ARFGAP1: variants seen among roughly 807,000 people sequenced by gnomAD.
The protein encoded by ARFGAP1 is ARF GTPase activating protein 1.
A neutral mutation model predicts 54.0 loss-of-function variants in ARFGAP1; 26 were observed. The observed-to-expected ratio is 0.48, with a 90% CI of 0.35 to 0.67. The LOEUF (loss-of-function observed/expected upper bound fraction) is 0.67, where lower values mean the gene tolerates loss of function less well. Ranked by LOEUF, ARFGAP1 falls within the 30% of genes least tolerant of loss-of-function variation. The pLI is 0.00. For synonymous variants in ARFGAP1, 248 were observed against 211.9 expected (o/e 1.17, Z -1.48); for missense variants, 525 against 535.8 (o/e 0.98, Z 0.20).
At chr20:63,275,773 T>C in intron 2 of ARFGAP1, 133 bp downstream of exon 2, 1 of 870,822 alleles carries the variant, frequency 1.1e-6, no homozygotes, top group African/African-American at 1.7e-5. Flanking sequence ...TGGACGTGCA[T>C]GGCTTGTGCT....
intron 7 of ARFGAP1, among the ~76,000 whole-genome samples, chr20:63,279,881 G>A (rs964002834): frequency 1.9e-4 from 29 of 152,360 alleles, no homozygotes; most frequent in East Asian, 3.9e-4. Flanking sequence ...GCTCACGCCT[G>A]TAATCCCAGC....
At chr20:63,286,677 C>T in intron 12 of ARFGAP1, 1 of 541,356 alleles carries the variant, frequency 1.8e-6, no homozygotes, top group Non-Finnish European at 3.3e-6. Context: ...GAGTGCTCTG[C>T]AGCTGCAGAG....
At position 63,288,222 on chromosome 20, in the gene ARFGAP1, C is replaced by A; in HGVS notation, c.*349C>A. On this transcript the variant is annotated 3_prime_UTR_variant, in exon 13 of 13. Transcript: ENST00000370283. ...GCGGCCAGTTCACTACGCAGTATCT[C>A]TGGGGCCTGGGACCAGCCACGTGCC... 1 of 556,330 alleles carries A rather than the reference C, an allele frequency of 1.8e-6. No individual in the cohort carries two copies. The highest frequency in any genetic ancestry group is 3.4e-6 in the Non-Finnish European group (1 of 292,624). The allele number at this position is 556,330 out of a possible 1,614,324, so 34.5% of individuals were successfully genotyped here.
rs1007958598 is a variant in ARFGAP1 at position 63,276,840 on chromosome 20, G to A, written c.342+189G>A. 4.1e-5 allele frequency: 26 copies of A among 629,782 alleles called. No individual in the cohort carries two copies. The highest frequency in any genetic ancestry group is 9.2e-5 in the African/African-American group (5 of 54,540). 39.0% of individuals were successfully genotyped at this position (629,782 alleles called of 1,614,324 possible). The stretch of plus-strand genomic sequence containing the variant: ...CCCAGAGGGGAGGCAAATGGCTTGC[G>A]GGGGGAGACAGACCTTCCCCGCCTC... On this transcript the variant is annotated intron_variant, in intron 4 of 12. Coordinates refer to ENST00000370283, the MANE Select transcript of ARFGAP1 (RefSeq NM_018209.4). This position sits in a 1 kb window ranked among gnomAD's most constrained non-coding sequence, Gnocchi z 5.2.
chr20:63,284,131 C>T (rs889726222), intron 9 of ARFGAP1: 2 of 1,349,060 alleles, frequency 1.5e-6, no homozygotes, highest in Non-Finnish European at 1.9e-6. Flanking sequence ...AGACCCCCAT[C>T]TCCAAAACAC....
chr20:63,277,159 C>T (rs748884618), intron 4 of ARFGAP1, 46 bp from the exon 5 acceptor site: 17 of 1,550,454 alleles, frequency 1.1e-5, no homozygotes, highest in African/African-American at 4.1e-5. Context: ...CCGAGGGCAT[C>T]GCCAGGCGCC....
At chr20:63,282,899 G>C (rs771386769) in intron 9 of ARFGAP1, 48 bp downstream of exon 9, 1 of 1,607,228 alleles carries the variant, frequency 6.2e-7, no homozygotes, top group Non-Finnish European at 8.5e-7. Flanking sequence ...AAACTATCCT[G>C]AGTCTGACGT....
At chr20:63,277,732 G>A (rs1308120301) in intron 5 of ARFGAP1, among the ~76,000 whole-genome samples, 1 of 152,190 alleles carries the variant, frequency 6.6e-6, no homozygotes, top group Non-Finnish European at 1.5e-5. Context: ...TGGGTAGCAC[G>A]AGGCCTCCCC....
intron 8 of ARFGAP1, among the ~76,000 whole-genome samples, chr20:63,281,713 G>A (rs1350052388): frequency 2.0e-5 from 3 of 152,190 alleles, no homozygotes; most frequent in Non-Finnish European, 2.9e-5. Flanking sequence ...GGCTCAAGTC[G>A]TGTTTTGAGA....
intron 7 of ARFGAP1, among the ~76,000 whole-genome samples, chr20:63,279,934 T>A (rs2067334578): frequency 6.6e-6 from 1 of 151,942 alleles, no homozygotes. Flanking sequence ...AGGTCAGGAG[T>A]TCGAGACCAG....
rs1045343678 is a variant in ARFGAP1 at position 63,282,930 on chromosome 20, G to T, written c.717+79G>T. The T allele has an allele frequency of 2.0e-6, 3 of 1,515,152 alleles. No individual in the cohort carries two copies. In the African/African-American group the frequency reaches 4.1e-5, roughly 21 times the overall value. 93.9% of individuals were successfully genotyped at this position (1,515,152 alleles called of 1,614,324 possible). ...GACGTCACGTGCAGCACCTGAAGCTGCCTGGTTCCCTCTTCTCAGGCCACA... is the reference window on the plus strand; with the variant it reads ...GACGTCACGTGCAGCACCTGAAGCTTCCTGGTTCCCTCTTCTCAGGCCACA... On this transcript the variant is annotated intron_variant, in intron 9 of 12. Coordinates refer to ENST00000370283, the MANE Select transcript of ARFGAP1 (RefSeq NM_018209.4).
At chr20:63,277,980 C>T in intron 5 of ARFGAP1, 137 bp from the exon 6 acceptor site, 1 of 716,048 alleles carries the variant, frequency 1.4e-6, no homozygotes, top group South Asian at 1.6e-5. Flanking sequence ...GAGCTGAAGG[C>T]CACCCTGGCC....
At position 63,288,248 on chromosome 20, in the gene ARFGAP1, G is replaced by A. The variant is rs541620105; in HGVS notation, c.*375G>A. The A allele has an allele frequency of 6.4e-4, 346 of 537,320 alleles. No homozygotes were observed. The highest frequency in any genetic ancestry group is 5.9e-3 in the African/African-American group (314 of 53,404). 33.3% of individuals were successfully genotyped at this position (537,320 alleles called of 1,614,324 possible). ...TGGGGCCTGGGACCAGCCACGTGCC[G>A]AGCTGTCAGCGACGTGAGGTGTCCC... On this transcript the variant is annotated 3_prime_UTR_variant, in exon 13 of 13. Coordinates refer to ENST00000370283, the MANE Select transcript of ARFGAP1 (RefSeq NM_018209.4).
Position 63,286,361 on chromosome 20 carries a change from T to C in ARFGAP1, c.835-5T>C. On this transcript the variant is annotated splice_polypyrimidine_tract_variant and splice_region_variant and intron_variant, in intron 11 of 12. Coordinates refer to ENST00000370283, the MANE Select transcript of ARFGAP1 (RefSeq NM_018209.4). Reference sequence around the variant, plus strand: ...TGCCTAACCTCTCTTCCCGTCTCCTTCCAGGTCCAGGGAGTCGGTAGTAAG... The same window carrying C: ...TGCCTAACCTCTCTTCCCGTCTCCTCCCAGGTCCAGGGAGTCGGTAGTAAG... 1 of 1,613,272 alleles carries C rather than the reference T, an allele frequency of 6.2e-7. No homozygotes were observed. Among genetic ancestry groups the C allele is most frequent in the Non-Finnish European group, 8.5e-7 (1 of 1,179,954 alleles).
intron 12 of ARFGAP1, chr20:63,286,901 C>G (rs1229433494): frequency 4.5e-5 from 8 of 178,452 alleles, no homozygotes; most frequent in Non-Finnish European, 9.6e-5. Flanking sequence ...GAGACCTGTC[C>G]TGGGCCCCAT....
At chr20:63,273,507 G>A (rs1461532602) in intron 1 of ARFGAP1, 1 of 152,216 alleles carries the variant, frequency 6.6e-6, no homozygotes, top group East Asian at 1.9e-4. Flanking sequence ...TTGTACTTTT[G>A]AAGGTTAGGA....
rs763100402 is a variant in ARFGAP1, at chr20:63,287,731, G to A, written c.1079G>A (p.Ser360Asn). 7 of 1,611,288 alleles carry A rather than the reference G, an allele frequency of 4.3e-6. No homozygotes were observed. In the African/African-American group the frequency reaches 9.3e-5, roughly 22 times the overall value. ...GCGGACACCTCCACCGAGAGGAGGA[G>A]CTCGGACAGCTGGGAGGTGTGGGGC... The part of the protein sequence containing the change: ...TCADTSTERR[S>N]SDSWEVWGSA... The change falls in exon 13 of 13, where the codon AGC becomes AAC. Residue 360 changes from serine (S) to asparagine (N), a missense_variant. Physicochemically the swap from Ser to Asn is conservative, Grantham distance 46. Coordinates refer to ENST00000370283, the MANE Select transcript of ARFGAP1 (RefSeq NM_018209.4).
Position 63,288,613 on chromosome 20 carries a change from G to T in ARFGAP1, c.*740G>T. On this transcript the variant is annotated 3_prime_UTR_variant, in exon 13 of 13. Transcript: ENST00000370283. ...TGGAAGAAAAAGGAGCGCAGGGTGG[G>T]CCCTCGGCCCTGATGCAGGAGGGTG... 2.3e-6 allele frequency: 1 copy of T among 432,114 alleles called. No individual in the cohort carries two copies. Among genetic ancestry groups the T allele is most frequent in the South Asian group, 1.6e-5 (1 of 61,716 alleles). 26.8% of individuals were successfully genotyped at this position (432,114 alleles called of 1,614,324 possible).
rs1003041137 is a variant in ARFGAP1, at chr20:63,283,031, T to C, written c.717+180T>C. Reference sequence around the variant, plus strand: ...GTTCCCCTCCTCATGCCCGGGTGGCTGCCTCATGGACCCACTCAGGGCCTG... The same window carrying C: ...GTTCCCCTCCTCATGCCCGGGTGGCCGCCTCATGGACCCACTCAGGGCCTG... On this transcript the variant is annotated intron_variant, in intron 9 of 12. Transcript: ENST00000370283. The C allele has an allele frequency of 5.6e-5, 38 of 676,304 alleles. No individual in the cohort carries two copies. In the African/African-American group the frequency reaches 6.8e-4, roughly 12 times the overall value. 41.9% of individuals were successfully genotyped at this position (676,304 alleles called of 1,614,324 possible). A position where few individuals can be genotyped will look rare whatever the true frequency, so the allele number is the denominator to read the frequency against.
Sources: gnomAD v4.1 joint callset for allele counts (sites outside exome capture counted in the v4.1 genomes callset) on GRCh38, gnomAD v4.1.1 for gene constraint, Gnocchi (gnomAD v3.1) non-coding constraint, MANE v1.5 for transcripts, NCBI Gene and HGNC (gene_info 2026-07-23, HGNC 2026-07-21) for gene names.